Variants in ATXN1 observed in about 807,000 individuals in gnomAD.
ATXN1 encodes the protein ataxin-1.
In ATXN1, 8 loss-of-function variants were observed where a neutral mutation model predicts 56.4. That is an observed-to-expected ratio of 0.14 (90% CI 0.08 to 0.26). The LOEUF is 0.26. ATXN1 is among the 10% of genes least tolerant of loss of function. ATXN1 has a pLI of 1.00. For missense variants in ATXN1, 987 were observed against 1,106.5 expected, an observed-to-expected ratio of 0.89 and a Z score of 1.53; for synonymous variants, 514 against 494.6, an observed-to-expected ratio of 1.04 and a Z score of -0.52.
At chr6:16,608,829 G>A (rs742328) in intron 3 of ATXN1, among the ~76,000 whole-genome samples, 80,756 of 152,058 alleles carry the variant, frequency 0.53, 23,428 homozygotes, top group South Asian at 0.69. Flanking sequence ...ACATTACTTG[G>A]TGTGCTAAGT....
At chr6:16,442,069 T>A (rs1015975026) in intron 6 of ATXN1, among the ~76,000 whole-genome samples, 1 of 151,934 alleles carries the variant, frequency 6.6e-6, no homozygotes, top group African/African-American at 2.4e-5. Flanking sequence ...CAAAAAAAAA[T>A]TCTTTGGACA....
At chr6:16,707,766 A>C (rs1759437526) in intron 2 of ATXN1, among the ~76,000 whole-genome samples, 1 of 152,204 alleles carries the variant, frequency 6.6e-6, no homozygotes, top group Non-Finnish European at 1.5e-5. Context: ...GGGAACTTAA[A>C]AATTACTGAT....
intron 6 of ATXN1, among the ~76,000 whole-genome samples, chr6:16,472,227 C>T (rs1252753059): frequency 2.0e-5 from 3 of 152,180 alleles, no homozygotes; most frequent in African/African-American, 7.2e-5. Context: ...CTACTCCATA[C>T]ACTCTAGAAC....
chr6:16,734,081 G>A (rs1224930424), intron 2 of ATXN1, among the ~76,000 whole-genome samples: 1 of 152,132 alleles, frequency 6.6e-6, no homozygotes, highest in Non-Finnish European at 1.5e-5. Flanking sequence ...AACCGACAGA[G>A]TGAGACCCCA....
At chr6:16,492,750 T>C (rs1364927561) in intron 5 of ATXN1, among the ~76,000 whole-genome samples, 1 of 152,112 alleles carries the variant, frequency 6.6e-6, no homozygotes, top group Non-Finnish European at 1.5e-5. Context: ...ATCTGCTCAG[T>C]TCTATTCACT....
intron 6 of ATXN1, among the ~76,000 whole-genome samples, chr6:16,380,632 C>T (rs761296465): frequency 9.2e-5 from 14 of 152,096 alleles, no homozygotes; most frequent in Admixed American, 6.5e-4. Context: ...TCTGCACACG[C>T]GCATTCAAAT....
rs1760072781 is a variant in ATXN1, at chr6:16,300,943, A to G, written c.*5386T>C. ...CCTCCCTCAGACGAGGGCTATATGTAACAAAAATAACAATAAGCATAGGTA... is the reference window on the plus strand; with the variant it reads ...CCTCCCTCAGACGAGGGCTATATGTGACAAAAATAACAATAAGCATAGGTA... On this transcript the variant is annotated 3_prime_UTR_variant, in exon 8 of 8. Coordinates refer to ENST00000436367, the MANE Select transcript of ATXN1 (RefSeq NM_001128164.2). 6.6e-6 allele frequency: 1 copy of G among 152,654 alleles called. No individual in the cohort carries two copies. Among genetic ancestry groups the G allele is most frequent in the Non-Finnish European group, 1.5e-5 (1 of 68,050 alleles). The allele number at this position is 152,654 out of a possible 1,614,324, so 9.5% of individuals were successfully genotyped here. A position where few individuals can be genotyped will look rare whatever the true frequency, so the allele number is the denominator to read the frequency against.
At chr6:16,712,909 A>G (rs771674183) in intron 2 of ATXN1, among the ~76,000 whole-genome samples, 1 of 152,126 alleles carries the variant, frequency 6.6e-6, no homozygotes, top group African/African-American at 2.4e-5. Flanking sequence ...ACTGAATGAA[A>G]CTCACAAATG....
intron 6 of ATXN1, among the ~76,000 whole-genome samples, chr6:16,406,653 ATAT>A (rs1413808955): frequency 1.3e-5 from 2 of 152,230 alleles, no homozygotes; most frequent in Non-Finnish European, 2.9e-5. Context: ...TTTAGCCTAA[ATAT>A]TTACCCTAGC....
In ATXN1 at chr6:16,468,144, T is replaced by A. The variant is rs992024133; in HGVS notation, c.-161+17828A>T. 3.3e-5 allele frequency among the ~76,000 whole-genome samples: 5 copies of A among 152,288 alleles called. No individual in the cohort carries two copies. In the East Asian group the frequency reaches 9.7e-4, roughly 29 times the overall value. Reference sequence around the variant, plus strand: ...TAAACTCTGAGGCTAGAGACTAAAGTAAGAATTTGGTTTAGGACTGGTTTT... The same window carrying A: ...TAAACTCTGAGGCTAGAGACTAAAGAAAGAATTTGGTTTAGGACTGGTTTT... On this transcript the variant is annotated intron_variant, in intron 6 of 7. Transcript: ENST00000436367.
chr6:16,395,821 T>G (rs1022658230), intron 6 of ATXN1, among the ~76,000 whole-genome samples: 9 of 151,620 alleles, frequency 5.9e-5, no homozygotes, highest in South Asian at 2.1e-4. Flanking sequence ...ATCGAGACCA[T>G]CCTGGCCAAC....
intron 3 of ATXN1, among the ~76,000 whole-genome samples, chr6:16,647,435 T>C (rs1763819169): frequency 6.6e-6 from 1 of 152,234 alleles, no homozygotes. Context: ...AACCTACACT[T>C]TTCAACACAT....
intron 2 of ATXN1, among the ~76,000 whole-genome samples, chr6:16,672,498 C>T (rs561903702): frequency 1.2e-4 from 19 of 152,196 alleles, no homozygotes; most frequent in South Asian, 2.1e-4. Context: ...TCTGTGAATT[C>T]GTGGTAAAAG....
chr6:16,633,163 A>C (rs1315685913), intron 3 of ATXN1, among the ~76,000 whole-genome samples: 1 of 152,212 alleles, frequency 6.6e-6, no homozygotes, highest in Admixed American at 6.5e-5. Context: ...TTTTGTTATA[A>C]AGAAACATTT....
rs970423836 is a variant in ATXN1 at position 16,356,411 on chromosome 6, T to G, written c.-160-27941A>C. Among the ~76,000 whole-genome samples the G allele has an allele frequency of 6.6e-5, 10 of 152,358 alleles. 1 individual carries two copies. The highest frequency in any genetic ancestry group is 6.8e-3 in the Middle Eastern group (2 of 294). On this transcript the variant is annotated intron_variant, in intron 6 of 7. Transcript: ENST00000436367. ...AATGGAACAGGGCTGTATTTAATTCTGAATATAATCTCTTTGCTGTTGGCA... is the reference window on the plus strand; with the variant it reads ...AATGGAACAGGGCTGTATTTAATTCGGAATATAATCTCTTTGCTGTTGGCA...
intron 6 of ATXN1, among the ~76,000 whole-genome samples, chr6:16,345,277 T>C (rs1439594343): frequency 6.6e-6 from 1 of 152,206 alleles, no homozygotes; most frequent in African/African-American, 2.4e-5. Context: ...GGTCAGGAAG[T>C]ACAAGTATAA....
At chr6:16,647,697 GATA>G (rs1345113820) in intron 3 of ATXN1, among the ~76,000 whole-genome samples, 3 of 152,196 alleles carry the variant, frequency 2.0e-5, no homozygotes, top group Non-Finnish European at 4.4e-5. Context: ...CTAACTTGAT[GATA>G]ATAAACATTT....
intron 6 of ATXN1, among the ~76,000 whole-genome samples, chr6:16,424,474 G>T (rs1759107811): frequency 6.6e-6 from 1 of 152,160 alleles, no homozygotes; most frequent in South Asian, 2.1e-4. Context: ...TTTAATAATA[G>T]TATCTAGTTG....
chr6:16,598,128 C>T (rs1762847201), intron 3 of ATXN1, among the ~76,000 whole-genome samples: 1 of 152,008 alleles, frequency 6.6e-6, no homozygotes, highest in Admixed American at 6.6e-5. Flanking sequence ...TAATTATTGC[C>T]TATAAATATA....
Sources: allele counts gnomAD v4.1 joint callset (sites outside exome capture counted in the v4.1 genomes callset), GRCh38; gene constraint gnomAD v4.1.1; transcripts MANE v1.5; gene names NCBI Gene and HGNC (gene_info 2026-07-23, HGNC 2026-07-21).